Variants in ZPLD1 observed in about 807,000 individuals in gnomAD.
ZPLD1 encodes the protein zona pellucida-like domain-containing protein 1.
A neutral mutation model predicts 47.2 loss-of-function variants in ZPLD1; 34 were observed. That is an observed-to-expected ratio of 0.72 (90% CI 0.55 to 0.96). The LOEUF (loss-of-function observed/expected upper bound fraction) is 0.96, where lower values mean the gene tolerates loss of function less well. Among genes scored for constraint, ZPLD1 ranks in the 40% least tolerant of loss-of-function variants. The pLI, the probability that ZPLD1 is intolerant of heterozygous loss-of-function variation, is 0.00. For synonymous variants in ZPLD1, 176 were observed against 186.2 expected, an observed-to-expected ratio of 0.95 and a Z score of 0.45; for missense variants, 512 against 505.8, an observed-to-expected ratio of 1.01 and a Z score of -0.12.
At chr3:102,433,187 C>A (rs1707037736), upstream of ZPLD1, among the ~76,000 whole-genome samples, 1 of 152,120 alleles carries the variant, frequency 6.6e-6, no homozygotes, top group African/African-American at 2.4e-5. Flanking sequence ...AAGAATAAAG[C>A]AATACTGATC....
intron 7 of ZPLD1, among the ~76,000 whole-genome samples, chr3:102,408,868 TATA>T (rs1706720748): frequency 1.3e-5 from 2 of 151,844 alleles, no homozygotes; most frequent in Non-Finnish European, 2.9e-5. Flanking sequence ...AGTCTGGAAG[TATA>T]ATAATAATCT....
upstream of ZPLD1, among the ~76,000 whole-genome samples, chr3:102,432,822 C>T (rs947731758): frequency 1.3e-5 from 2 of 152,132 alleles, no homozygotes; most frequent in Non-Finnish European, 1.5e-5. Context: ...GTGAGGTATA[C>T]ATTATAGACA....
chr3:102,424,928 G>A (rs1706924547), intron 8 of ZPLD1, among the ~76,000 whole-genome samples: 1 of 151,830 alleles, frequency 6.6e-6, no homozygotes, highest in African/African-American at 2.4e-5. Context: ...ATTTTCAGCA[G>A]GGCCTGTGGA....
chr3:102,456,506 A>T, intron 5 of ZPLD1, 132 bp downstream of exon 5: 1 of 742,836 alleles, frequency 1.3e-6, no homozygotes, highest in Non-Finnish European at 2.3e-6. Flanking sequence ...TGGGAAACAT[A>T]TTATGTCTAA....
intron 7 of ZPLD1, among the ~76,000 whole-genome samples, chr3:102,399,300 C>T (rs970489411): frequency 6.6e-6 from 1 of 152,116 alleles, no homozygotes; most frequent in Non-Finnish European, 1.5e-5. Flanking sequence ...TTCTTTGCCA[C>T]AATCTTCAGG....
At chr3:102,393,510 A>G (rs1015227787) in intron 7 of ZPLD1, among the ~76,000 whole-genome samples, 4 of 152,138 alleles carry the variant, frequency 2.6e-5, no homozygotes, top group Non-Finnish European at 5.9e-5. Context: ...AGAGTTTGCA[A>G]TTTTGAATTC....
intron 3 of ZPLD1, among the ~76,000 whole-genome samples, chr3:102,445,289 T>C (rs1378028153): frequency 6.6e-6 from 1 of 152,218 alleles, no homozygotes; most frequent in East Asian, 1.9e-4. Context: ...CCTTCTTTCA[T>C]TGAGATTCAA....
intron 3 of ZPLD1, 115 bp from the exon 4 acceptor site, chr3:102,452,804 A>G (rs1707357313): frequency 8.4e-7 from 1 of 1,194,272 alleles, no homozygotes; most frequent in Non-Finnish European, 1.2e-6. Flanking sequence ...TGTATCAAAT[A>G]TAAAAATGAG....
At chr3:102,477,311 T>C in intron 11 of ZPLD1, 132 bp from the exon 12 acceptor site, 1 of 1,064,890 alleles carries the variant, frequency 9.4e-7, no homozygotes, top group Non-Finnish European at 1.4e-6. Flanking sequence ...TCAAATAGAT[T>C]GTAACACAAT....
chr3:102,411,974 G>T (rs558512656), intron 7 of ZPLD1, among the ~76,000 whole-genome samples: 69 of 151,850 alleles, frequency 4.5e-4, no homozygotes, highest in Non-Finnish European at 8.3e-4. Flanking sequence ...CTGTAGGGCG[G>T]ACTGGCAGGC....
chr3:102,456,752 T>C lies in ZPLD1; in HGVS notation c.509+378T>C, dbSNP rs138316757. 1.7e-4 allele frequency among the ~76,000 whole-genome samples: 26 copies of C among 152,318 alleles called. No homozygotes were observed. The Middle Eastern group carries it at 0.014, about 80-fold the overall frequency. On this transcript the variant is annotated intron_variant, in intron 5 of 11. Transcript: ENST00000466937. ...GAGGCCCTGTGGCGTCTCCAGTGTG[T>C]ACGACATTTGGTAACTACATTGCTG...
At chr3:102,462,220 A>T in intron 6 of ZPLD1, 61 bp from the exon 7 acceptor site, 1 of 1,009,582 alleles carries the variant, frequency 9.9e-7, no homozygotes, top group Non-Finnish European at 1.5e-6. Flanking sequence ...TTGTTGTTTT[A>T]AGTAGTAAGT....
intron 7 of ZPLD1, among the ~76,000 whole-genome samples, chr3:102,395,963 T>C (rs146053351): frequency 1.3e-3 from 194 of 152,318 alleles, no homozygotes; most frequent in African/African-American, 4.3e-3. Flanking sequence ...CTTGACATGC[T>C]GCTTTTAATA....
At chr3:102,446,054 A>C (rs1576152292) in intron 3 of ZPLD1, among the ~76,000 whole-genome samples, 1 of 152,206 alleles carries the variant, frequency 6.6e-6, no homozygotes, top group Non-Finnish European at 1.5e-5. Flanking sequence ...AACCCATATC[A>C]ACTGTATACA....
chr3:102,425,312 A>G (rs1706931249), intron 8 of ZPLD1, among the ~76,000 whole-genome samples: 1 of 152,132 alleles, frequency 6.6e-6, no homozygotes, highest in Non-Finnish European at 1.5e-5. Context: ...ACTATTCTTG[A>G]TAGAACTTTT....
intron 7 of ZPLD1, among the ~76,000 whole-genome samples, chr3:102,396,853 G>A (rs1706563340): frequency 6.6e-6 from 1 of 152,094 alleles, no homozygotes; most frequent in Non-Finnish European, 1.5e-5. Flanking sequence ...TCTCTAAACA[G>A]AGTGGTTAAA....
chr3:102,451,181 A>G (rs999136658), intron 3 of ZPLD1, among the ~76,000 whole-genome samples: 2 of 152,206 alleles, frequency 1.3e-5, no homozygotes, highest in East Asian at 3.9e-4. Flanking sequence ...TTGCTAGGAA[A>G]AAAACCCAGT....
At chr3:102,433,991 AT>A (rs1553710687), upstream of ZPLD1, among the ~76,000 whole-genome samples, 2 of 152,230 alleles carry the variant, frequency 1.3e-5, no homozygotes, top group Non-Finnish European at 1.5e-5. Flanking sequence ...TTAGTAGGAC[AT>A]TAATTTTATT....
At chr3:102,458,550 G>A (rs1182673701) in intron 6 of ZPLD1, among the ~76,000 whole-genome samples, 1 of 151,826 alleles carries the variant, frequency 6.6e-6, no homozygotes, top group Non-Finnish European at 1.5e-5. Context: ...ATTATGAATC[G>A]GATTTTTGCA....
Sources: allele counts gnomAD v4.1 joint callset (sites outside exome capture counted in the v4.1 genomes callset), GRCh38; gene constraint gnomAD v4.1.1; transcripts MANE v1.5; gene names NCBI Gene and HGNC (gene_info 2026-07-23, HGNC 2026-07-21).